The following MYO6 variants were observed in gnomAD, a reference collection of about 807,000 sequenced individuals.
MYO6 encodes the protein unconventional myosin-VI.
Under a neutral mutation model 178.7 loss-of-function variants are expected in MYO6, and 74 were observed. The observed-to-expected ratio is 0.41, with a 90% CI of 0.34 to 0.50. The LOEUF is 0.50. MYO6 is among the 20% of genes least tolerant of loss of function. The pLI is 0.09. For synonymous variants in MYO6, 477 were observed against 504.6 expected (o/e 0.95, Z 0.73); for missense variants, 1,330 against 1,547.4 (o/e 0.86, Z 2.36).
intron 18 of MYO6, among the ~76,000 whole-genome samples, chr6:75,869,587 TGTAA>T (rs1776972296): frequency 2.0e-5 from 3 of 152,196 alleles, no homozygotes. Flanking sequence ...ATTAGTCTTT[TGTAA>T]GTAGTTTAAT....
At chr6:75,814,450 G>C (rs78703318) in intron 1 of MYO6, among the ~76,000 whole-genome samples, 3,376 of 152,254 alleles carry the variant, frequency 0.022, 135 homozygotes, top group African/African-American at 0.077. Context: ...TCAATTTGGT[G>C]TTCCTGAAGG....
chr6:75,851,062 C>G (rs1423308856), intron 11 of MYO6, among the ~76,000 whole-genome samples: 1 of 151,686 alleles, frequency 6.6e-6, no homozygotes, highest in African/African-American at 2.4e-5. Context: ...GTGGGAGATT[C>G]TAACACAAAA....
At chr6:75,829,816 A>C (rs190602807) in intron 4 of MYO6, among the ~76,000 whole-genome samples, 64 of 152,304 alleles carry the variant, frequency 4.2e-4, no homozygotes, top group African/African-American at 1.5e-3. Context: ...TTAACCCATA[A>C]ATGTTCTAGG....
chr6:75,756,015 A>G (rs1481083446), intron 1 of MYO6, among the ~76,000 whole-genome samples: 2 of 152,222 alleles, frequency 1.3e-5, no homozygotes, highest in Non-Finnish European at 2.9e-5. Flanking sequence ...CTATTGGGTT[A>G]TGGCGCTGTT....
rs1002524273 is a variant in MYO6, at chr6:75,830,246, G to A, written c.262-170G>A. On this transcript the variant is annotated intron_variant, in intron 4 of 34. Transcript: ENST00000369977. ...TATTTATTAAGAATTGGAGAAATAT[G>A]GGTCCCTATAAAGATCAGGGAATAC... is the stretch of plus-strand genomic sequence containing the variant. 2.0e-5 allele frequency among the ~76,000 whole-genome samples: 3 copies of A among 152,220 alleles called. No homozygotes were observed. The South Asian group carries it at 6.2e-4, about 32-fold the overall frequency.
At chr6:75,907,044 T>C (rs976931486) in intron 30 of MYO6, among the ~76,000 whole-genome samples, 2 of 152,200 alleles carry the variant, frequency 1.3e-5, no homozygotes, top group African/African-American at 4.8e-5. Flanking sequence ...ATGACTCTAA[T>C]GCAGTGGGTT....
chr6:75,841,465 G>A, intron 9 of MYO6, 87 bp downstream of exon 9: 1 of 1,312,334 alleles, frequency 7.6e-7, no homozygotes, highest in Admixed American at 1.8e-5. Flanking sequence ...GAGGCGGATG[G>A]ATTGCTTGAG....
chr6:75,904,017 A>T (rs373649852), intron 30 of MYO6, among the ~76,000 whole-genome samples: 1 of 152,010 alleles, frequency 6.6e-6, no homozygotes, highest in African/African-American at 2.4e-5. Context: ...GAAATTCTGG[A>T]TTGAAAATTC....
intron 30 of MYO6, among the ~76,000 whole-genome samples, chr6:75,903,539 G>A (rs375234382): frequency 2.0e-5 from 3 of 151,972 alleles, no homozygotes; most frequent in Admixed American, 6.6e-5. Context: ...TCAGAGACTA[G>A]GATTGCAACC....
At chr6:75,825,921 T>C (rs1379067855) in intron 3 of MYO6, among the ~76,000 whole-genome samples, 1 of 152,216 alleles carries the variant, frequency 6.6e-6, no homozygotes, top group Non-Finnish European at 1.5e-5. Context: ...TATTTTGTTA[T>C]ATGTCTTATG....
At chr6:75,811,144 A>G (rs928560309) in intron 1 of MYO6, among the ~76,000 whole-genome samples, 3 of 151,990 alleles carry the variant, frequency 2.0e-5, no homozygotes, top group Non-Finnish European at 2.9e-5. Context: ...CAGTTTTTCC[A>G]TCAATATGGA....
chr6:75,899,340 CTCT>C (rs1779550605), intron 30 of MYO6, among the ~76,000 whole-genome samples: 1 of 150,166 alleles, frequency 6.7e-6, no homozygotes, highest in South Asian at 2.1e-4. Flanking sequence ...GTCAATTTAC[CTCT>C]TCTTTCAAAA....
At chr6:75,812,499 G>C (rs750236426) in intron 1 of MYO6, among the ~76,000 whole-genome samples, 10 of 152,070 alleles carry the variant, frequency 6.6e-5, no homozygotes, top group Non-Finnish European at 8.8e-5. Flanking sequence ...ATGACAGTAA[G>C]TTACTATTGA....
intron 25 of MYO6, among the ~76,000 whole-genome samples, chr6:75,889,267 C>A (rs1203514259): frequency 6.6e-6 from 1 of 152,132 alleles, no homozygotes; most frequent in Non-Finnish European, 1.5e-5. Flanking sequence ...AAAATTAACC[C>A]ACCCACATTT....
intron 28 of MYO6, chr6:75,894,736 G>C: frequency 1.1e-6 from 1 of 892,270 alleles, no homozygotes; most frequent in Non-Finnish European, 1.6e-6. Flanking sequence ...GATGTTGTTG[G>C]GTTCTATGCT....
chr6:75,763,400 T>C (rs1225445650), intron 1 of MYO6, among the ~76,000 whole-genome samples: 2 of 152,192 alleles, frequency 1.3e-5, no homozygotes, highest in East Asian at 3.8e-4. Flanking sequence ...GAGAAGAATC[T>C]TTGTATAAAA....
At chr6:75,834,724 G>A (rs1178351433) in intron 6 of MYO6, among the ~76,000 whole-genome samples, 1 of 150,718 alleles carries the variant, frequency 6.6e-6, no homozygotes, top group African/African-American at 2.4e-5. Context: ...GTGGTACTAT[G>A]AAAGTTTGCT....
intron 19 of MYO6, 150 bp from the exon 20 acceptor site, chr6:75,873,057 G>T (rs1777275151): frequency 1.3e-5 from 9 of 680,440 alleles, no homozygotes; most frequent in Non-Finnish European, 2.3e-5. Flanking sequence ...ACAGGCATGA[G>T]CCACTGCTCC....
At chr6:75,763,115 C>G (rs924590251) in intron 1 of MYO6, among the ~76,000 whole-genome samples, 2 of 151,952 alleles carry the variant, frequency 1.3e-5, no homozygotes, top group Admixed American at 1.3e-4. Flanking sequence ...CAACCTCCAC[C>G]GTCCGAGATC....
Sources: allele counts gnomAD v4.1 joint callset (sites outside exome capture counted in the v4.1 genomes callset), GRCh38; gene constraint gnomAD v4.1.1; transcripts MANE v1.5; gene names NCBI Gene and HGNC (gene_info 2026-07-23, HGNC 2026-07-21).